The following ABCC4 variants were observed in gnomAD, a reference collection of about 807,000 sequenced individuals.
ABCC4 encodes the protein ATP binding cassette subfamily C member 4 (PEL blood group), also known as ATP-binding cassette sub-family C member 4.
Under a neutral mutation model 168.5 loss-of-function variants are expected in ABCC4, and 102 were observed. That is an observed-to-expected ratio of 0.61 (90% CI 0.52 to 0.71). The LOEUF (loss-of-function observed/expected upper bound fraction) is 0.71, where lower values mean the gene tolerates loss of function less well. ABCC4 is among the 30% of genes least tolerant of loss of function. The pLI, the probability that ABCC4 is intolerant of heterozygous loss-of-function variation, is 0.00. For synonymous variants in ABCC4, 617 were observed against 590.7 expected (o/e 1.04, Z -0.65); for missense variants, 1,402 against 1,605.8 (o/e 0.87, Z 2.17).
At chr13:95,151,825 A>G (rs1190791367) in intron 19 of ABCC4, among the ~76,000 whole-genome samples, 1 of 152,222 alleles carries the variant, frequency 6.6e-6, no homozygotes, top group Non-Finnish European at 1.5e-5. Context: ...CCTGAGGCTA[A>G]GAGAAGTAAT....
intron 4 of ABCC4, among the ~76,000 whole-genome samples, chr13:95,233,586 C>T (rs2039683420): frequency 2.0e-5 from 3 of 151,928 alleles, no homozygotes; most frequent in Admixed American, 2.0e-4. Context: ...ATCCATAACC[C>T]AAACCTCAGC....
chr13:95,043,704 A>C lies in ABCC4; in HGVS notation c.3713T>G (p.Ile1238Ser). ...CACCATTATCTTGTCGCTGTCAATA[A>C]TGGTGTTCAATCTGTGTGCAATGGT... is the stretch of plus-strand genomic sequence containing the variant. The part of the protein sequence containing the change: ...VLTIAHRLNT[I>S]IDSDKIMVLD... The change falls in exon 29 of 31, where the codon ATT (isoleucine) becomes AGT (serine). Residue 1238 changes from isoleucine (I) to serine (S), a missense_variant. By Grantham distance (142) the Ile-to-Ser change is moderately radical. Coordinates refer to ENST00000645237, the MANE Select transcript of ABCC4 (RefSeq NM_005845.5). 4 of 1,613,580 alleles carry C rather than the reference A, an allele frequency of 2.5e-6. No individual in the cohort carries two copies. The highest frequency in any genetic ancestry group is 3.4e-6 in the Non-Finnish European group (4 of 1,179,606).
At chr13:95,297,068 C>T (rs1471103448) in intron 1 of ABCC4, among the ~76,000 whole-genome samples, 7 of 151,602 alleles carry the variant, frequency 4.6e-5, no homozygotes, top group African/African-American at 1.7e-4. Context: ...GTCAGGAGTT[C>T]GAGACCAGCC....
chr13:95,228,574 C>T (rs560618953), intron 4 of ABCC4, among the ~76,000 whole-genome samples: 64 of 151,806 alleles, frequency 4.2e-4, no homozygotes, highest in South Asian at 1.3e-3. Flanking sequence ...TTGGAGTTCG[C>T]GACCAGCCTG....
intron 25 of ABCC4, among the ~76,000 whole-genome samples, chr13:95,069,090 T>A (rs1396756595): frequency 6.6e-6 from 1 of 152,246 alleles, no homozygotes; most frequent in Non-Finnish European, 1.5e-5. Context: ...AAGGGTATCA[T>A]TCATTCAATT....
chr13:95,059,768 G>A (rs1331160361), intron 26 of ABCC4, among the ~76,000 whole-genome samples: 2 of 152,136 alleles, frequency 1.3e-5, no homozygotes, highest in East Asian at 3.9e-4. Context: ...ATAGCGAGTA[G>A]CAATAATGCC....
At chr13:95,220,434 A>G (rs894795309) in intron 4 of ABCC4, among the ~76,000 whole-genome samples, 16 of 152,214 alleles carry the variant, frequency 1.1e-4, no homozygotes, top group African/African-American at 2.9e-4. Flanking sequence ...ATCCGAAAGT[A>G]ACAGTACACA....
chr13:95,260,769 T>C (rs145712097), intron 1 of ABCC4, among the ~76,000 whole-genome samples: 106 of 152,034 alleles, frequency 7.0e-4, no homozygotes, highest in African/African-American at 2.5e-3. Context: ...AACAGGGAAA[T>C]TGTGAATGTT....
intron 27 of ABCC4, among the ~76,000 whole-genome samples, chr13:95,046,025 G>A (rs765019234): frequency 2.0e-5 from 3 of 152,220 alleles, no homozygotes; most frequent in Admixed American, 6.5e-5. Context: ...GATTTGGCTC[G>A]TGGTGCAAAA....
chr13:95,027,751 A>G (rs2031620518), intron 30 of ABCC4, among the ~76,000 whole-genome samples: 1 of 152,238 alleles, frequency 6.6e-6, no homozygotes, highest in African/African-American at 2.4e-5. Flanking sequence ...ATATTCAAAG[A>G]AACAAAAATT....
Position 95,214,413 on chromosome 13 carries a change from C to T in ABCC4, c.532-3632G>A, listed in dbSNP as rs377434531. 3.9e-5 allele frequency among the ~76,000 whole-genome samples: 6 copies of T among 151,952 alleles called. No homozygotes were observed. In the South Asian group the frequency reaches 1.2e-3, roughly 32 times the overall value. On this transcript the variant is annotated intron_variant, in intron 4 of 30. Transcript: ENST00000645237. ...ACTGGAATTTTACCAAAGTTGGTAG[C>T]AAATATTAATTTACATAATGAAGAA...
At chr13:95,117,899 C>T (rs1268895218) in intron 19 of ABCC4, among the ~76,000 whole-genome samples, 2 of 151,440 alleles carry the variant, frequency 1.3e-5, no homozygotes, top group East Asian at 3.9e-4. Flanking sequence ...AGCAACATAG[C>T]GAGACCTCAT....
chr13:95,301,125 G>A, intron 1 of ABCC4, 116 bp downstream of exon 1: 1 of 985,460 alleles, frequency 1.0e-6, no homozygotes, highest in Non-Finnish European at 1.4e-6. Context: ...GCGTAGGAAA[G>A]CGCTCCCCTC....
In ABCC4 at chr13:95,301,352, G is replaced by A; in HGVS notation, c.-38C>T. 1.9e-6 allele frequency: 3 copies of A among 1,543,088 alleles called. No individual in the cohort carries two copies. The highest frequency in any genetic ancestry group is 2.8e-5 in the African/African-American group (2 of 70,850). ...GGCGGGCGCGGGCCGGGGTCGCGCT[G>A]ATCAGGCGGCGGTGGCCGCGGGCTC... On this transcript the variant is annotated 5_prime_UTR_variant, in exon 1 of 31. Transcript: ENST00000645237.
At chr13:95,099,929 C>A (rs996533075) in intron 20 of ABCC4, among the ~76,000 whole-genome samples, 15 of 152,134 alleles carry the variant, frequency 9.9e-5, no homozygotes, top group Non-Finnish European at 1.8e-4. Flanking sequence ...ATAGTGACTG[C>A]AAGATTTTAA....
At chr13:95,193,757 G>A (rs1010284901) in intron 9 of ABCC4, among the ~76,000 whole-genome samples, 1 of 152,198 alleles carries the variant, frequency 6.6e-6, no homozygotes, top group Admixed American at 6.5e-5. Context: ...AGCATTCCCA[G>A]ATGAACCAAG....
At chr13:95,158,824 C>G (rs2036968039) in intron 19 of ABCC4, among the ~76,000 whole-genome samples, 1 of 151,820 alleles carries the variant, frequency 6.6e-6, no homozygotes, top group South Asian at 2.1e-4. Context: ...AATCCCAGCA[C>G]TTGAGGAGAC....
rs533021653 is a variant in ABCC4 at position 95,301,288 on chromosome 13, C to T, written c.27G>A (p.Lys9=). ...GGTTCGCGTCCTGCAGCGGGTTGGG[C>T]TTCACCTCCTGGTACACGGGCAGCA... The part of the protein sequence containing the change: MLPVYQEV[K]PNPLQDANLC... Residue 9 remains lysine (K), a synonymous_variant, in exon 1 of 31, where the codon AAG becomes AAA. Coordinates refer to ENST00000645237, the MANE Select transcript of ABCC4 (RefSeq NM_005845.5). The T allele has an allele frequency of 6.3e-6, 10 of 1,595,642 alleles. 1 individual carries two copies. The African/African-American group carries it at 1.1e-4, about 17-fold the overall frequency.
At chr13:95,234,336 ACAG>A (rs2039703578) in intron 4 of ABCC4, among the ~76,000 whole-genome samples, 1 of 152,278 alleles carries the variant, frequency 6.6e-6, no homozygotes, top group African/African-American at 2.4e-5. Context: ...CCATGCCCTG[ACAG>A]CAGTAGAAAA....
Sources: gnomAD v4.1 joint callset for allele counts (sites outside exome capture counted in the v4.1 genomes callset) on GRCh38, gnomAD v4.1.1 for gene constraint, MANE v1.5 for transcripts, NCBI Gene and HGNC (gene_info 2026-07-23, HGNC 2026-07-21) for gene names.